Variants in ZNF215 observed in about 807,000 individuals in gnomAD.
ZNF215 encodes BWSCR2-associated zinc finger protein 2.
ZNF215 carries 24 observed loss-of-function variants against 27.2 expected under a neutral mutation model. The observed-to-expected ratio is 0.88, with a 90% CI of 0.64 to 1.24. The LOEUF (loss-of-function observed/expected upper bound fraction) is 1.24, where lower values mean the gene tolerates loss of function less well. Among genes scored for constraint, ZNF215 ranks in the 50% most tolerant of loss-of-function variants. The pLI is 0.00. For synonymous variants in ZNF215, 210 were observed against 204.0 expected (o/e 1.03, Z -0.25); for missense variants, 675 against 605.7 (o/e 1.11, Z -1.20).
In ZNF215 at chr11:6,932,356, T is replaced by G; in HGVS notation, c.84T>G (p.Asp28Glu). The G allele has an allele frequency of 6.2e-7, 1 of 1,614,148 alleles. No individual in the cohort carries two copies. Among genetic ancestry groups the G allele is most frequent in the South Asian group, 1.1e-5 (1 of 91,084 alleles). The change falls in exon 3 of 7, where the codon GAT becomes GAG. Residue 28 changes from aspartate to glutamate, a missense_variant. Physicochemically the swap from Asp to Glu is conservative, Grantham distance 45. Coordinates refer to ENST00000278319, the MANE Select transcript of ZNF215 (RefSeq NM_013250.4). ...LREQREVLRADMSWQQETNPV... is the reference protein window; with the variant it reads ...LREQREVLRAEMSWQQETNPV... ...AACAAAGAGAGGTTCTGAGAGCAGA[T>G]ATGTCTTGGCAGCAGGAAACCAACC...
rs370255813 is a variant in ZNF215 at position 6,956,442 on chromosome 11, C to T, written c.1465C>T (p.Pro489Ser). The T allele has an allele frequency of 1.7e-4, 275 of 1,613,958 alleles. No individual in the cohort carries two copies. Among genetic ancestry groups the T allele is most frequent in the Non-Finnish European group, 2.1e-4 (249 of 1,180,020 alleles). The part of the protein sequence containing the change: ...RHQMIHTGEK[P>S]FKCKECSKAF... Reference sequence around the variant, plus strand: ...CCAAATGATTCACACGGGAGAGAAACCATTCAAATGTAAGGAATGTAGTAA... The same window carrying T: ...CCAAATGATTCACACGGGAGAGAAATCATTCAAATGTAAGGAATGTAGTAA... The change falls in exon 7 of 7, where the codon CCA becomes TCA. Residue 489 changes from proline to serine, a missense_variant. By Grantham distance (74) the Pro-to-Ser change is moderately conservative (BLOSUM62 -1). Transcript: ENST00000278319.
intron 5 of ZNF215, among the ~76,000 whole-genome samples, chr11:6,976,987 T>C (rs1850847622): frequency 6.6e-6 from 1 of 152,040 alleles, no homozygotes; most frequent in Non-Finnish European, 1.5e-5. Flanking sequence ...TCACCTTCTC[T>C]AGCTGGCATT....
At chr11:6,962,511 T>C (rs544574119), downstream of ZNF215, among the ~76,000 whole-genome samples, 1 of 152,264 alleles carries the variant, frequency 6.6e-6, no homozygotes, top group East Asian at 1.9e-4. Context: ...ATTCACATCC[T>C]TGGAAGTCCA....
In ZNF215 at chr11:6,943,642, G is replaced by A. The variant is rs138660620; in HGVS notation, c.712+1G>A. On this transcript the variant is annotated splice_donor_variant, in intron 6 of 6. Transcript: ENST00000278319. LOFTEE classifies it high-confidence loss of function. Reference sequence around the variant, plus strand: ...GAAATACCAAGGAAGACTATTTTTGGTAAGAACCAGGTAGATATGAGGCCA... The same window carrying A: ...GAAATACCAAGGAAGACTATTTTTGATAAGAACCAGGTAGATATGAGGCCA... 2,630 of 1,608,762 alleles carry A rather than the reference G, an allele frequency of 1.6e-3. 5 individuals are homozygous for A. The highest frequency in any genetic ancestry group is 2.0e-3 in the Non-Finnish European group (2,370 of 1,175,290).
chr11:6,951,946 C>T (rs373095225), intron 6 of ZNF215, among the ~76,000 whole-genome samples: 9 of 152,062 alleles, frequency 5.9e-5, no homozygotes, highest in Non-Finnish European at 7.4e-5. Context: ...TTTGTTCTCA[C>T]TGGTTTCAAA....
intron 6 of ZNF215, among the ~76,000 whole-genome samples, chr11:6,950,954 T>G (rs908893804): frequency 6.6e-6 from 1 of 152,168 alleles, no homozygotes; most frequent in African/African-American, 2.4e-5. Flanking sequence ...GGTTGTTGAA[T>G]TTTGTCCAAG....
Position 6,956,173 on chromosome 11 carries a change from T to A in ZNF215, c.1196T>A (p.Ile399Asn). 6.2e-7 allele frequency: 1 copy of A among 1,613,694 alleles called. No homozygotes were observed. Among genetic ancestry groups the A allele is most frequent in the Non-Finnish European group, 8.5e-7 (1 of 1,179,948 alleles). The stretch of plus-strand genomic sequence containing the variant: ...AGTTCATCCCTTATTCGACATCAGA[T>A]CATTCACACAGGAGAGAAACCCTAT... ...CRSSSLIRHQ[I>N]IHTGEKPYKC... The change falls in exon 7 of 7, where the codon ATC becomes AAC. Residue 399 changes from isoleucine (I) to asparagine (N), a missense_variant. By Grantham distance (149) the Ile-to-Asn change is moderately radical (BLOSUM62 -3). Coordinates refer to ENST00000278319, the MANE Select transcript of ZNF215 (RefSeq NM_013250.4).
Position 6,956,379 on chromosome 11 carries a change from G to C in ZNF215, c.1402G>C (p.Gly468Arg). 1 of 1,614,070 alleles carries C rather than the reference G, an allele frequency of 6.2e-7. No individual in the cohort carries two copies. Among genetic ancestry groups the C allele is most frequent in the Non-Finnish European group, 8.5e-7 (1 of 1,180,016 alleles). The change falls in exon 7 of 7, where the codon GGA becomes CGA. Residue 468 changes from glycine (G) to arginine (R), a missense_variant. Coordinates refer to ENST00000278319, the MANE Select transcript of ZNF215 (RefSeq NM_013250.4). ...CAATTTCTATCAATGTGTTAACTGTGGAAAATCCTTCAACCGGAGCTCCTC... is the reference window on the plus strand; with the variant it reads ...CAATTTCTATCAATGTGTTAACTGTCGAAAATCCTTCAACCGGAGCTCCTC... ...GNNFYQCVNC[G>R]KSFNRSSSLI...
At position 6,943,628 on chromosome 11, in the gene ZNF215, G is replaced by A. The variant is rs899242551; in HGVS notation, c.699G>A (p.Arg233=). The A allele has an allele frequency of 7.4e-6, 12 of 1,613,026 alleles. No homozygotes were observed. The highest frequency in any genetic ancestry group is 9.3e-6 in the Non-Finnish European group (11 of 1,179,084). Residue 233 remains arginine (R), a synonymous_variant, in exon 6 of 7, where the codon AGG becomes AGA. Coordinates refer to ENST00000278319, the MANE Select transcript of ZNF215 (RefSeq NM_013250.4). ...GGATAATGGAGAAAGAAATACCAAG[G>A]AAGACTATTTTTGGTAAGAACCAGG... ...KRWIMEKEIP[R]KTIFDMKSIS...
intron 5 of ZNF215, among the ~76,000 whole-genome samples, chr11:6,963,353 CTAATTGAGAT>C (rs1257955825): frequency 3.9e-5 from 6 of 151,918 alleles, no homozygotes; most frequent in Non-Finnish European, 8.8e-5. Context: ...CTTAGCCTAC[CTAATTGAGAT>C]TCAAACATGT....
intron 5 of ZNF215, among the ~76,000 whole-genome samples, chr11:6,966,041 G>A (rs537576902): frequency 3.6e-4 from 55 of 152,242 alleles, no homozygotes; most frequent in African/African-American, 1.2e-3. Context: ...TTTAGGCTTT[G>A]AGCTTCCTTT....
Position 6,957,945 on chromosome 11 carries a change from C to T in ZNF215, c.*1414C>T. The T allele has an allele frequency of 5.1e-6, 5 of 985,352 alleles. No homozygotes were observed. The highest frequency in any genetic ancestry group is 6.0e-6 in the Non-Finnish European group (5 of 829,906). 61.0% of individuals were successfully genotyped at this position (985,352 alleles called of 1,614,324 possible). On this transcript the variant is annotated 3_prime_UTR_variant, in exon 7 of 7. Transcript: ENST00000278319. ...AAAAAATTCACACTGGAGACATTCC[C>T]AATTAATGATGATGGTAGCTTTTTG...
intron 5 of ZNF215, among the ~76,000 whole-genome samples, chr11:6,977,937 A>G (rs1564976731): frequency 6.6e-6 from 1 of 152,088 alleles, no homozygotes; most frequent in Non-Finnish European, 1.5e-5. Context: ...TGAGGGACAC[A>G]TCTAAGTCAC....
chr11:6,969,765 A>AT (rs1403852307), intron 5 of ZNF215, among the ~76,000 whole-genome samples: 1 of 152,132 alleles, frequency 6.6e-6, no homozygotes, highest in East Asian at 1.9e-4. Context: ...CATAACTAAT[A>AT]TTAGCATTGG....
downstream of ZNF215, among the ~76,000 whole-genome samples, chr11:6,962,824 C>G (rs1050133736): frequency 1.6e-4 from 24 of 152,046 alleles, no homozygotes; most frequent in African/African-American, 5.8e-4. Flanking sequence ...AACCTCTGAT[C>G]TAAGCTTGAC....
At chr11:6,985,519 C>A (rs2172228), downstream of ZNF215, among the ~76,000 whole-genome samples, 90,224 of 151,630 alleles carry the variant, frequency 0.6, 26,879 homozygotes, top group East Asian at 0.69. Flanking sequence ...CTCCTATTCA[C>A]CTTAGTAGTG....
downstream of ZNF215, among the ~76,000 whole-genome samples, chr11:6,987,929 CAAAA>C (rs200849534): frequency 6.6e-6 from 1 of 151,776 alleles, no homozygotes; most frequent in African/African-American, 2.4e-5. Flanking sequence ...AAAACTGGAA[CAAAA>C]AAAGAAAGAA....
chr11:6,944,790 T>C (rs1158663575), intron 6 of ZNF215, among the ~76,000 whole-genome samples: 1 of 152,166 alleles, frequency 6.6e-6, no homozygotes, highest in Non-Finnish European at 1.5e-5. Flanking sequence ...TTTTCAAAAT[T>C]TTTCCAGAAT....
intron 5 of ZNF215, among the ~76,000 whole-genome samples, chr11:6,976,626 A>G (rs1381615255): frequency 6.6e-6 from 1 of 152,018 alleles, no homozygotes; most frequent in Non-Finnish European, 1.5e-5. Context: ...TTAAGAAGAA[A>G]TTGCTTCCTC....
Sources: gnomAD v4.1 joint callset for allele counts (sites outside exome capture counted in the v4.1 genomes callset) on GRCh38, gnomAD v4.1.1 for gene constraint, MANE v1.5 for transcripts, NCBI Gene and HGNC (gene_info 2026-07-23, HGNC 2026-07-21) for gene names.